The following COL27A1 variants were observed in gnomAD, a reference collection of about 807,000 sequenced individuals.
COL27A1 encodes collagen type XXVII alpha 1 chain.
A neutral mutation model predicts 251.3 loss-of-function variants in COL27A1; 106 were observed. That is an observed-to-expected ratio of 0.42 (90% CI 0.36 to 0.50). The LOEUF (loss-of-function observed/expected upper bound fraction) is 0.50. Ranked by LOEUF, COL27A1 falls within the 20% of genes least tolerant of loss-of-function variation. The pLI, the probability that COL27A1 is intolerant of heterozygous loss-of-function variation, is 0.00. For missense variants in COL27A1, 2,325 were observed against 2,522.8 expected (o/e 0.92, Z 1.68); for synonymous variants, 1,000 against 986.3 (o/e 1.01, Z -0.26).
chr9:114,290,435 G>C lies in COL27A1; in HGVS notation c.4368+104G>C. 2 of 1,018,824 alleles carry C rather than the reference G, an allele frequency of 2.0e-6. No individual in the cohort carries two copies. Among genetic ancestry groups the C allele is most frequent in the South Asian group, 2.8e-5 (2 of 72,680 alleles). 63.1% of individuals were successfully genotyped at this position (1,018,824 alleles called of 1,614,324 possible). ...GAGGAGCCCGTTTGGAAACTTGGAT[G>C]GGCAGAACCAACACATCCAGAAGTT... On this transcript the variant is annotated intron_variant, in intron 47 of 60. Transcript: ENST00000356083. This position sits in a 1 kb window ranked among gnomAD's most constrained non-coding sequence, Gnocchi z 4.6.
At chr9:114,173,388 A>G (rs1849462503) in intron 3 of COL27A1, among the ~76,000 whole-genome samples, 1 of 152,254 alleles carries the variant, frequency 6.6e-6, no homozygotes, top group South Asian at 2.1e-4. Flanking sequence ...TACGAAATGC[A>G]GGTCGTCCTG....
At chr9:114,240,696 G>A (rs982334682) in intron 21 of COL27A1, among the ~76,000 whole-genome samples, 4 of 152,212 alleles carry the variant, frequency 2.6e-5, no homozygotes, top group Non-Finnish European at 5.9e-5. Flanking sequence ...GCTGTCACCT[G>A]GCAGGGTGGC....
chr9:114,297,397 T>C (rs185738382), intron 49 of COL27A1, among the ~76,000 whole-genome samples: 1 of 152,214 alleles, frequency 6.6e-6, no homozygotes, highest in African/African-American at 2.4e-5. Context: ...CAGACAAATA[T>C]GCCTTATGAA....
At position 114,194,330 on chromosome 9, in the gene COL27A1, G is replaced by T; in HGVS notation, c.2017-74G>T. 5 of 1,433,412 alleles carry T rather than the reference G, an allele frequency of 3.5e-6. No individual in the cohort carries two copies. The South Asian group carries it at 4.6e-5, about 13-fold the overall frequency. 88.8% of individuals were successfully genotyped at this position (1,433,412 alleles called of 1,614,324 possible). ...CATTTAAGCAAGGGAGCAGGGCTTT[G>T]AGCAGAGTTTGTGGGGAGGCAGACA... On this transcript the variant is annotated intron_variant, in intron 5 of 60. Coordinates refer to ENST00000356083, the MANE Select transcript of COL27A1 (RefSeq NM_032888.4).
intron 40 of COL27A1, among the ~76,000 whole-genome samples, chr9:114,284,400 T>C (rs1359595606): frequency 6.6e-6 from 1 of 152,142 alleles, no homozygotes; most frequent in Non-Finnish European, 1.5e-5. Context: ...CCTGGGAAGG[T>C]CTGTTGAGGC....
intron 23 of COL27A1, 100 bp downstream of exon 23, chr9:114,243,660 G>A: frequency 3.0e-6 from 3 of 999,314 alleles, no homozygotes; most frequent in African/African-American, 1.6e-5. Flanking sequence ...GTTGTGAAAA[G>A]GGAGAAAAAA....
intron 49 of COL27A1, 29 bp downstream of exon 49, chr9:114,292,239 C>A (rs1216221657): frequency 1.3e-6 from 2 of 1,499,386 alleles, no homozygotes; most frequent in Non-Finnish European, 1.8e-6. Flanking sequence ...ATACACATGC[C>A]CACGCACTCA....
chr9:114,162,539 G>A (rs981932956), intron 1 of COL27A1, among the ~76,000 whole-genome samples, 176 bp from the exon 2 acceptor site: 36 of 152,080 alleles, frequency 2.4e-4, no homozygotes, highest in African/African-American at 8.2e-4. Flanking sequence ...CCTGGAGGCC[G>A]GGAAGAGTGG....
In COL27A1 at chr9:114,309,594, T is replaced by C. The variant is rs940783949; in HGVS notation, c.5436+116T>C. On this transcript the variant is annotated intron_variant, in intron 60 of 60. Transcript: ENST00000356083. ...TCTAACATTTTAATAGTATACTATA[T>C]TAATGTGATAGATATGATTTCATCT... 3 of 735,964 alleles carry C rather than the reference T, an allele frequency of 4.1e-6. No individual in the cohort carries two copies. The African/African-American group carries it at 5.3e-5, about 13-fold the overall frequency. 45.6% of individuals were successfully genotyped at this position (735,964 alleles called of 1,614,324 possible).
chr9:114,261,862 G>A (rs2808768), intron 28 of COL27A1, among the ~76,000 whole-genome samples: 7 of 152,000 alleles, frequency 4.6e-5, no homozygotes, highest in African/African-American at 1.7e-4. Flanking sequence ...GCCTGTTTCT[G>A]TCCCTGTGAA....
Position 114,285,523 on chromosome 9 carries a change from G to A in COL27A1, c.3987+746G>A, listed in dbSNP as rs558275722. On this transcript the variant is annotated intron_variant, in intron 41 of 60. Coordinates refer to ENST00000356083, the MANE Select transcript of COL27A1 (RefSeq NM_032888.4). ...CCTCCCCTGCTGGCTCAGCTGGAACGCTTCGCTTGCCCCCTGCCTCCCCAG... is the reference window on the plus strand; with the variant it reads ...CCTCCCCTGCTGGCTCAGCTGGAACACTTCGCTTGCCCCCTGCCTCCCCAG... 3.3e-5 allele frequency among the ~76,000 whole-genome samples: 5 copies of A among 152,180 alleles called. 1 individual carries two copies. The South Asian group carries it at 8.3e-4, about 25-fold the overall frequency.
intron 21 of COL27A1, among the ~76,000 whole-genome samples, chr9:114,241,273 C>T (rs986039476): frequency 5.3e-5 from 8 of 152,264 alleles, no homozygotes; most frequent in Non-Finnish European, 1.0e-4. Flanking sequence ...CAGCCCTGGG[C>T]TGAGGGTGCG....
intron 5 of COL27A1, among the ~76,000 whole-genome samples, 173 bp downstream of exon 5, chr9:114,183,248 C>G (rs575504885): frequency 6.6e-6 from 1 of 152,204 alleles, no homozygotes; most frequent in Non-Finnish European, 1.5e-5. Flanking sequence ...GTGCCTGGTC[C>G]GGAGACACAG....
intron 3 of COL27A1, 23 bp downstream of exon 3, chr9:114,169,486 T>C: frequency 6.7e-7 from 1 of 1,497,026 alleles, no homozygotes; most frequent in East Asian, 2.3e-5. Flanking sequence ...GGGGTCTGCA[T>C]GCTGCTTGGA....
intron 27 of COL27A1, among the ~76,000 whole-genome samples, chr9:114,254,939 G>A (rs1421398660): frequency 1.3e-5 from 2 of 152,196 alleles, no homozygotes; most frequent in African/African-American, 4.8e-5. Context: ...GCCAGGGGCC[G>A]AGGAGGTAGA....
At chr9:114,207,162 G>A (rs1300149653) in intron 10 of COL27A1, among the ~76,000 whole-genome samples, 1 of 152,222 alleles carries the variant, frequency 6.6e-6, no homozygotes, top group African/African-American at 2.4e-5. Flanking sequence ...ACAGTCCTCG[G>A]TCAGGACAGA....
Position 114,311,594 on chromosome 9 carries a change from A to G in COL27A1, c.*899A>G, listed in dbSNP as rs999420746. ...AAACAAAAACAAAAACAAAAACCCT[A>G]CCAGAAACCAGAAGTAGAGAGATTT... On this transcript the variant is annotated 3_prime_UTR_variant, in exon 61 of 61. Coordinates refer to ENST00000356083, the MANE Select transcript of COL27A1 (RefSeq NM_032888.4). 2.6e-5 allele frequency: 4 copies of G among 151,714 alleles called. No homozygotes were observed. The highest frequency in any genetic ancestry group is 9.7e-5 in the African/African-American group (4 of 41,318). The allele number at this position is 151,714 out of a possible 1,614,324, so 9.4% of individuals were successfully genotyped here.
chr9:114,210,235 T>C (rs1196907209), intron 11 of COL27A1, among the ~76,000 whole-genome samples: 1 of 152,230 alleles, frequency 6.6e-6, no homozygotes, highest in Non-Finnish European at 1.5e-5. Flanking sequence ...TGGTTACATA[T>C]TGTCAATGCC....
chr9:114,186,906 G>A (rs920892769), intron 5 of COL27A1, among the ~76,000 whole-genome samples: 7 of 152,196 alleles, frequency 4.6e-5, no homozygotes, highest in Non-Finnish European at 2.9e-5. Flanking sequence ...GAGCTCTAGG[G>A]CAGAGGTGGG....
Sources: gnomAD v4.1 joint callset for allele counts (sites outside exome capture counted in the v4.1 genomes callset) on GRCh38, gnomAD v4.1.1 for gene constraint, Gnocchi (gnomAD v3.1) non-coding constraint, MANE v1.5 for transcripts, NCBI Gene and HGNC (gene_info 2026-07-23, HGNC 2026-07-21) for gene names.